SCFD1: variants seen among roughly 807,000 people sequenced by gnomAD.
The protein encoded by SCFD1 is sec1 family domain-containing protein 1.
A neutral mutation model predicts 103.2 loss-of-function variants in SCFD1; 37 were observed. That is an observed-to-expected ratio of 0.36 (90% confidence interval 0.28 to 0.47). The LOEUF (loss-of-function observed/expected upper bound fraction) is 0.47. Among genes scored for constraint, SCFD1 ranks in the 20% least tolerant of loss-of-function variants. The pLI is 1.00. For missense variants in SCFD1, 639 were observed against 761.2 expected (o/e 0.84, Z 1.89); for synonymous variants, 264 against 245.0 (o/e 1.08, Z -0.73).
Position 30,626,517 on chromosome 14 carries a change from A to G in SCFD1, c.62-1692A>G, listed in dbSNP as rs893466526. ...ATCAAGGCCCCGAGTTTTGGGTTGA[A>G]TGAAGGTTGCCAGGTGGAGGTTGTT... On this transcript the variant is annotated intron_variant, in intron 1 of 24. Coordinates refer to ENST00000458591, the MANE Select transcript of SCFD1 (RefSeq NM_016106.4). 7.2e-5 allele frequency among the ~76,000 whole-genome samples: 11 copies of G among 152,286 alleles called. No individual in the cohort carries two copies. The East Asian group carries it at 1.9e-3, about 27-fold the overall frequency.
intron 18 of SCFD1, chr14:30,707,748 G>C (rs1891572636): frequency 2.0e-6 from 1 of 495,244 alleles, no homozygotes. Context: ...CTTTATTTTT[G>C]TATTTTTTAA....
At chr14:30,637,887 G>A (rs1199148797) in intron 4 of SCFD1, among the ~76,000 whole-genome samples, 1 of 152,096 alleles carries the variant, frequency 6.6e-6, no homozygotes, top group Non-Finnish European at 1.5e-5. Context: ...GTACTGTATT[G>A]TAATTAATGA....
At chr14:30,659,871 T>A (rs1887277707) in intron 10 of SCFD1, among the ~76,000 whole-genome samples, 2 of 152,148 alleles carry the variant, frequency 1.3e-5, no homozygotes, top group African/African-American at 4.8e-5. Flanking sequence ...ATGAATAAAA[T>A]TTTTTAAACT....
chr14:30,680,961 G>T (rs577263082), intron 14 of SCFD1, among the ~76,000 whole-genome samples: 1 of 151,966 alleles, frequency 6.6e-6, no homozygotes, highest in Non-Finnish European at 1.5e-5. Flanking sequence ...AGCTGGGCGC[G>T]GTGGCTCACA....
intron 6 of SCFD1, among the ~76,000 whole-genome samples, chr14:30,642,416 T>C (rs1885373175): frequency 2.0e-5 from 3 of 152,170 alleles, no homozygotes; most frequent in Admixed American, 6.5e-5. Context: ...TTTAGAATTA[T>C]TCATATCCAT....
At chr14:30,645,780 G>A (rs10132369) in intron 7 of SCFD1, among the ~76,000 whole-genome samples, 1,796 of 152,250 alleles carry the variant, frequency 0.012, 34 homozygotes, top group African/African-American at 0.04. Flanking sequence ...CAAAGAGATA[G>A]TATGACTTCC....
chr14:30,712,855 A>G (rs1218421023), intron 19 of SCFD1, among the ~76,000 whole-genome samples: 1 of 152,200 alleles, frequency 6.6e-6, no homozygotes, highest in Non-Finnish European at 1.5e-5. Flanking sequence ...AGAACAAAAA[A>G]TATGCTTGAG....
At chr14:30,644,322 G>A (rs1484193518) in intron 7 of SCFD1, among the ~76,000 whole-genome samples, 5 of 152,154 alleles carry the variant, frequency 3.3e-5, no homozygotes, top group Non-Finnish European at 7.4e-5. Flanking sequence ...GGGTAGATGT[G>A]TCTTTTTCGT....
intron 4 of SCFD1, 25 bp from the exon 5 acceptor site, chr14:30,638,100 A>G: frequency 6.4e-7 from 1 of 1,565,312 alleles, no homozygotes; most frequent in Non-Finnish European, 8.6e-7. Context: ...ATCCTATAAG[A>G]ATAAAGTTTT....
chr14:30,667,946 A>T (rs1353316836), intron 10 of SCFD1, among the ~76,000 whole-genome samples: 1 of 152,274 alleles, frequency 6.6e-6, no homozygotes, highest in Non-Finnish European at 1.5e-5. Flanking sequence ...ATGGATAGGA[A>T]GAATCAATAT....
At position 30,729,295 on chromosome 14, in the gene SCFD1, G is replaced by A. The variant is rs536090293; in HGVS notation, c.1837-5495G>A. On this transcript the variant is annotated intron_variant, in intron 23 of 24. Coordinates refer to ENST00000458591, the MANE Select transcript of SCFD1 (RefSeq NM_016106.4). ...TTTTCTTTTGTTGCCTGGGCTTTTC[G>A]TGGCATATCTAAGAATCCTTTGCCA... Among the ~76,000 whole-genome samples the A allele has an allele frequency of 2.5e-4, 38 of 151,996 alleles. 1 individual carries two copies. In the South Asian group the frequency reaches 7.3e-3, roughly 29 times the overall value.
In SCFD1 at chr14:30,735,711, T is replaced by G; in HGVS notation, c.*102T>G. On this transcript the variant is annotated 3_prime_UTR_variant, in exon 25 of 25. Transcript: ENST00000458591. ...TGTTTCCTTCTCTGTAACAGTGTCC[T>G]AACAGTGAAAATCAGAGTTATTTGT... 2 of 783,128 alleles carry G rather than the reference T, an allele frequency of 2.6e-6. No individual in the cohort carries two copies. Among genetic ancestry groups the G allele is most frequent in the Non-Finnish European group, 4.2e-6 (2 of 480,734 alleles). The allele number at this position is 783,128 out of a possible 1,614,324, so 48.5% of individuals were successfully genotyped here.
intron 6 of SCFD1, among the ~76,000 whole-genome samples, chr14:30,642,963 G>A (rs1034402164): frequency 6.6e-5 from 10 of 152,100 alleles, no homozygotes; most frequent in African/African-American, 2.2e-4. Context: ...CTTGAGCCCA[G>A]GAGTTCAAGA....
intron 18 of SCFD1, among the ~76,000 whole-genome samples, chr14:30,707,325 A>G (rs2139362230): frequency 1.3e-5 from 2 of 152,312 alleles, no homozygotes; most frequent in South Asian, 4.1e-4. Context: ...TTTGAACCAC[A>G]GATATAAACC....
At chr14:30,658,196 C>T in intron 10 of SCFD1, 2 of 430,916 alleles carry the variant, frequency 4.6e-6, no homozygotes, top group South Asian at 3.4e-5. Flanking sequence ...CTTAGGTTCT[C>T]TTTTTGTACC....
chr14:30,692,974 A>C (rs1472650954), intron 14 of SCFD1, among the ~76,000 whole-genome samples: 2 of 152,008 alleles, frequency 1.3e-5, no homozygotes, highest in African/African-American at 4.8e-5. Context: ...CTAGAATCTC[A>C]TATTTCTTTT....
At chr14:30,727,667 T>C (rs1594773366) in intron 23 of SCFD1, among the ~76,000 whole-genome samples, 2 of 152,164 alleles carry the variant, frequency 1.3e-5, no homozygotes, top group South Asian at 4.1e-4. Flanking sequence ...ATTTATTGGC[T>C]CCCTTTCTGA....
intron 23 of SCFD1, among the ~76,000 whole-genome samples, chr14:30,732,506 T>G (rs1893545956): frequency 6.6e-6 from 1 of 152,188 alleles, no homozygotes; most frequent in African/African-American, 2.4e-5. Flanking sequence ...TCCCTTTTAG[T>G]TTTTTTGTCC....
At chr14:30,709,804 G>T (rs1221257674) in intron 19 of SCFD1, among the ~76,000 whole-genome samples, 2 of 152,088 alleles carry the variant, frequency 1.3e-5, no homozygotes, top group East Asian at 3.8e-4. Flanking sequence ...AGACAAAGGG[G>T]GACCACCAAC....
Sources: allele counts gnomAD v4.1 joint callset (sites outside exome capture counted in the v4.1 genomes callset), GRCh38; gene constraint gnomAD v4.1.1; transcripts MANE v1.5; gene names NCBI Gene and HGNC (gene_info 2026-07-23, HGNC 2026-07-21).